The following ANAPC10 variants were observed in gnomAD, a reference collection of about 807,000 sequenced individuals.
ANAPC10 encodes anaphase-promoting complex subunit 10.
A neutral mutation model predicts 22.0 loss-of-function variants in ANAPC10; 12 were observed. That is an observed-to-expected ratio of 0.55 (90% CI 0.35 to 0.88). The LOEUF is 0.88. ANAPC10 is among the 40% of genes least tolerant of loss of function. ANAPC10 has a pLI of 0.01. For missense variants in ANAPC10, 188 were observed against 220.9 expected (o/e 0.85, Z 0.94); for synonymous variants, 65 against 69.5 (o/e 0.94, Z 0.32).
intron 4 of ANAPC10, chr4:145,064,210 G>A (rs899105790): frequency 6.4e-6 from 1 of 155,888 alleles, no homozygotes; most frequent in African/African-American, 2.4e-5. Flanking sequence ...GGGGTGAAAT[G>A]GACAAATATG....
intron 4 of ANAPC10, among the ~76,000 whole-genome samples, chr4:145,011,336 A>AAAAATAAATT (rs1553963482): frequency 1.5e-5 from 2 of 130,076 alleles, no homozygotes; most frequent in African/African-American, 5.4e-5. Flanking sequence ...GACTGTCTTA[A>AAAAATAAATT]AAAATAAAAT....
At chr4:145,012,174 G>GTATATATATATA (rs201493778) in intron 4 of ANAPC10, among the ~76,000 whole-genome samples, 7 of 133,452 alleles carry the variant, frequency 5.2e-5, no homozygotes, top group African/African-American at 1.9e-4. Context: ...ATGTGTGTGT[G>GTATATATATATA]TGTATATATA....
chr4:145,085,973 C>T (rs1163001049), intron 2 of ANAPC10, among the ~76,000 whole-genome samples: 1 of 151,950 alleles, frequency 6.6e-6, no homozygotes, highest in African/African-American at 2.4e-5. Context: ...AAGCAATTCC[C>T]AGAAGTGACT....
intron 4 of ANAPC10, among the ~76,000 whole-genome samples, chr4:145,017,876 C>A (rs1005552865): frequency 1.3e-5 from 2 of 149,824 alleles, no homozygotes; most frequent in African/African-American, 4.9e-5. Flanking sequence ...GGATAAAAAA[C>A]CAAACACCGT....
chr4:144,997,537 T>TGA (rs1731808227), intron 4 of ANAPC10, among the ~76,000 whole-genome samples: 2 of 152,174 alleles, frequency 1.3e-5, no homozygotes, highest in African/African-American at 4.8e-5. Context: ...AAGCAAATGC[T>TGA]GAGTTCACCA....
chr4:145,081,485 G>C, intron 3 of ANAPC10, 175 bp downstream of exon 3: 1 of 465,356 alleles, frequency 2.1e-6, no homozygotes, highest in South Asian at 4.3e-5. Flanking sequence ...ATAAGACAGA[G>C]TAACTTTAAA....
At chr4:145,028,639 TA>T (rs1367848262) in intron 4 of ANAPC10, among the ~76,000 whole-genome samples, 1 of 152,196 alleles carries the variant, frequency 6.6e-6, no homozygotes, top group Non-Finnish European at 1.5e-5. Context: ...CCAAAACTGC[TA>T]AGGACTCTAC....
intron 1 of ANAPC10, among the ~76,000 whole-genome samples, chr4:145,096,444 A>T (rs1748535850): frequency 1.3e-5 from 2 of 152,208 alleles, no homozygotes; most frequent in Admixed American, 1.3e-4. Context: ...TCATATGACC[A>T]GATATGCAAA....
rs1048584957 is a variant in ANAPC10, at chr4:145,043,437, C to T, written c.327+21135G>A. The stretch of plus-strand genomic sequence containing the variant: ...ATGATAGAACAATGGGAAAATTTTC[C>T]GAATGGTTGAACACTAACCCTGACA... On this transcript the variant is annotated intron_variant, in intron 4 of 4. Transcript: ENST00000507656. Among the ~76,000 whole-genome samples, 4 of 152,020 alleles carry T rather than the reference C, an allele frequency of 2.6e-5. No individual in the cohort carries two copies. In the East Asian group the frequency reaches 7.7e-4, roughly 29 times the overall value.
intron 4 of ANAPC10, among the ~76,000 whole-genome samples, chr4:144,998,336 G>T (rs1022292901): frequency 6.6e-6 from 1 of 152,134 alleles, no homozygotes; most frequent in Non-Finnish European, 1.5e-5. Flanking sequence ...TGGAAGTAAA[G>T]CACTCCTCAG....
At chr4:145,037,095 T>A (rs1738694326) in intron 4 of ANAPC10, among the ~76,000 whole-genome samples, 1 of 149,172 alleles carries the variant, frequency 6.7e-6, no homozygotes, top group African/African-American at 2.5e-5. Context: ...AGGGAAACAC[T>A]AAGGACCCAA....
chr4:144,998,137 T>C (rs969283768), intron 4 of ANAPC10, among the ~76,000 whole-genome samples: 30 of 152,064 alleles, frequency 2.0e-4, no homozygotes, highest in Non-Finnish European at 3.8e-4. Flanking sequence ...TAATGGGAGA[T>C]TTTAACACCC....
chr4:145,031,079 C>T (rs1213795613), intron 4 of ANAPC10, among the ~76,000 whole-genome samples: 2 of 152,190 alleles, frequency 1.3e-5, no homozygotes, highest in African/African-American at 4.8e-5. Flanking sequence ...CATTCCTGTC[C>T]ATAAGGCCCA....
chr4:144,996,210 G>A (rs1033356778), intron 4 of ANAPC10, among the ~76,000 whole-genome samples: 2 of 152,304 alleles, frequency 1.3e-5, no homozygotes, highest in South Asian at 4.1e-4. Context: ...TCCGAAACAG[G>A]CTTATAGGAT....
intron 4 of ANAPC10, among the ~76,000 whole-genome samples, chr4:145,016,297 A>C (rs1336784153): frequency 6.6e-6 from 1 of 152,210 alleles, no homozygotes; most frequent in African/African-American, 2.4e-5. Flanking sequence ...TCAATGTGCA[A>C]AAATCACAAG....
chr4:145,024,586 T>C (rs1319953988), intron 4 of ANAPC10, among the ~76,000 whole-genome samples: 2 of 152,220 alleles, frequency 1.3e-5, no homozygotes, highest in Non-Finnish European at 2.9e-5. Flanking sequence ...TATTTTGAAA[T>C]AAATCTTTTC....
At chr4:145,081,541 G>C (rs922317928) in intron 3 of ANAPC10, 119 bp downstream of exon 3, 1 of 612,752 alleles carries the variant, frequency 1.6e-6, no homozygotes, top group African/African-American at 1.9e-5. Context: ...TAAGACTTCA[G>C]AGTTTAAAAA....
chr4:145,090,574 G>A (rs1246870957), intron 2 of ANAPC10, among the ~76,000 whole-genome samples: 2 of 152,138 alleles, frequency 1.3e-5, no homozygotes, highest in Non-Finnish European at 2.9e-5. Flanking sequence ...ATTGTGTAAT[G>A]GAGTCTGTCT....
chr4:145,070,986 G>A (rs1334033485), intron 3 of ANAPC10, among the ~76,000 whole-genome samples: 1 of 152,214 alleles, frequency 6.6e-6, no homozygotes, highest in Non-Finnish European at 1.5e-5. Context: ...TCATGGGCTG[G>A]AGAGAAAAGG....
Sources: gnomAD v4.1 joint callset for allele counts (sites outside exome capture counted in the v4.1 genomes callset) on GRCh38, gnomAD v4.1.1 for gene constraint, MANE v1.5 for transcripts, NCBI Gene and HGNC (gene_info 2026-07-23, HGNC 2026-07-21) for gene names.